The following CTNNA2 variants were observed in gnomAD, a reference collection of about 807,000 sequenced individuals.
CTNNA2 encodes catenin alpha 2.
A neutral mutation model predicts 101.0 loss-of-function variants in CTNNA2; 42 were observed. The ratio of observed to expected loss-of-function variants is 0.42; its 90% CI spans 0.32 to 0.54. The LOEUF (loss-of-function observed/expected upper bound fraction) is 0.54. Ranked by LOEUF, CTNNA2 falls within the 20% of genes least tolerant of loss-of-function variation. The probability of loss-of-function intolerance (pLI) is 0.14; values close to 1 mark genes in which losing one functional copy is unlikely to be tolerated. For synonymous variants in CTNNA2, 450 were observed against 456.4 expected, an observed-to-expected ratio of 0.99 and a Z score of 0.18; for missense variants, 871 against 1,223.1, an observed-to-expected ratio of 0.71 and a Z score of 4.29.
At chr2:79,325,335 G>C (rs1011708081) in intron 3 of CTNNA2, among the ~76,000 whole-genome samples, 1 of 152,186 alleles carries the variant, frequency 6.6e-6, no homozygotes, top group African/African-American at 2.4e-5. Flanking sequence ...CCGCCTGCCT[G>C]AAAGCAAAGA....
intron 7 of CTNNA2, among the ~76,000 whole-genome samples, chr2:80,244,918 A>G (rs1671206277): frequency 1.3e-5 from 2 of 152,166 alleles, no homozygotes; most frequent in Admixed American, 6.5e-5. Flanking sequence ...CAGACCTACA[A>G]GCGAGAGCCA....
At chr2:80,529,810 C>A (rs1465204930) in intron 9 of CTNNA2, among the ~76,000 whole-genome samples, 1 of 152,118 alleles carries the variant, frequency 6.6e-6, no homozygotes, top group Non-Finnish European at 1.5e-5. Flanking sequence ...GTCAGACTGG[C>A]CATTCACCCA....
At chr2:80,408,672 C>T (rs966151218) in intron 8 of CTNNA2, among the ~76,000 whole-genome samples, 16 of 152,182 alleles carry the variant, frequency 1.1e-4, no homozygotes, top group African/African-American at 3.1e-4. Context: ...GATCTTAGAT[C>T]TCCCTTTGGA....
intron 1 of CTNNA2, among the ~76,000 whole-genome samples, chr2:79,560,467 TA>T (rs961675647): frequency 6.6e-6 from 1 of 151,938 alleles, no homozygotes; most frequent in African/African-American, 2.4e-5. Flanking sequence ...TAGACCACTT[TA>T]AAGTGTTATT....
chr2:80,604,949 C>T (rs1225108237), intron 16 of CTNNA2, among the ~76,000 whole-genome samples: 1 of 151,976 alleles, frequency 6.6e-6, no homozygotes, highest in Non-Finnish European at 1.5e-5. Context: ...TAGAACTTCA[C>T]CTTTTCTTAT....
intron 3 of CTNNA2, among the ~76,000 whole-genome samples, chr2:79,801,036 C>T (rs1010134020): frequency 6.6e-6 from 1 of 152,160 alleles, no homozygotes; most frequent in African/African-American, 2.4e-5. Context: ...TGCTTTTTGT[C>T]ACCCAAGCAA....
At chr2:80,456,312 A>G (rs1187527809) in intron 9 of CTNNA2, among the ~76,000 whole-genome samples, 3 of 152,164 alleles carry the variant, frequency 2.0e-5, no homozygotes. Context: ...GCACATTGGT[A>G]TCCCCTGCAC....
chr2:80,440,206 C>G (rs576629069), intron 9 of CTNNA2, among the ~76,000 whole-genome samples: 1 of 152,196 alleles, frequency 6.6e-6, no homozygotes, highest in East Asian at 1.9e-4. Flanking sequence ...TCTCTGCCAC[C>G]TGTTTATTGG....
chr2:80,367,791 CTTCTT>C (rs1675072472), intron 7 of CTNNA2, among the ~76,000 whole-genome samples: 1 of 152,004 alleles, frequency 6.6e-6, no homozygotes, highest in Non-Finnish European at 1.5e-5. Context: ...ATTACATTCT[CTTCTT>C]TCCTTTGGTT....
At chr2:80,235,558 G>T (rs1709503242) in intron 7 of CTNNA2, among the ~76,000 whole-genome samples, 1 of 152,184 alleles carries the variant, frequency 6.6e-6, no homozygotes. Context: ...TCCTTTGGTT[G>T]CAGGAAACAG....
intron 7 of CTNNA2, among the ~76,000 whole-genome samples, chr2:80,336,545 T>C (rs1671778931): frequency 6.6e-6 from 1 of 152,232 alleles, no homozygotes; most frequent in African/African-American, 2.4e-5. Flanking sequence ...TGATATTTGC[T>C]TATCTTTTTA....
intron 6 of CTNNA2, among the ~76,000 whole-genome samples, chr2:79,900,083 C>G (rs1440103092): frequency 2.6e-5 from 4 of 152,184 alleles, no homozygotes; most frequent in Non-Finnish European, 5.9e-5. Flanking sequence ...ATGCTTTTAT[C>G]TCAGAGTCCA....
chr2:80,593,844 C>A (rs575261269), intron 15 of CTNNA2, among the ~76,000 whole-genome samples: 26 of 152,120 alleles, frequency 1.7e-4, no homozygotes, highest in Non-Finnish European at 3.2e-4. Context: ...CCATTGAATG[C>A]ATGTACCACC....
intron 3 of CTNNA2, among the ~76,000 whole-genome samples, chr2:79,786,284 TTTAA>T (rs1219316164): frequency 2.0e-5 from 3 of 146,442 alleles, no homozygotes; most frequent in Admixed American, 6.7e-5. Context: ...GAAAGAATAA[TTTAA>T]TTAAGATATA....
intron 7 of CTNNA2, among the ~76,000 whole-genome samples, chr2:80,062,563 A>G (rs1697671590): frequency 6.6e-6 from 1 of 152,198 alleles, no homozygotes; most frequent in African/African-American, 2.4e-5. Context: ...ACCTTAACTC[A>G]AAGAACTAAC....
chr2:80,433,092 C>T (rs548253174), intron 9 of CTNNA2, among the ~76,000 whole-genome samples: 19 of 152,174 alleles, frequency 1.2e-4, no homozygotes, highest in Non-Finnish European at 2.4e-4. Flanking sequence ...GCTAAAGAGG[C>T]TGTTTTCATC....
chr2:79,559,215 C>T (rs1674622670), intron 1 of CTNNA2, among the ~76,000 whole-genome samples: 1 of 151,904 alleles, frequency 6.6e-6, no homozygotes, highest in East Asian at 1.9e-4. Context: ...GTGGAAAGAG[C>T]TCATACTGGA....
rs751604941 is a variant in CTNNA2, at chr2:79,242,999, C to CACACACACAT, written c.-406+44932_-406+44933insTACACACACA. Among the ~76,000 whole-genome samples the CACACACACAT allele has an allele frequency of 1.2e-3, 127 of 109,954 alleles. 6 individuals are homozygous for CACACACACAT. The highest frequency in any genetic ancestry group is 1.7e-3 in the Non-Finnish European group (85 of 49,992). The allele number at this position is 109,954 out of a possible 152,430, so 72.1% of individuals were successfully genotyped here. A position where few individuals can be genotyped will look rare whatever the true frequency, so the allele number is the denominator to read the frequency against. On this transcript the variant is annotated intron_variant, in intron 2 of 21. Transcript: ENST00000466387. ...ATATATATATATATATATATACACA[C>CACACACACAT]ACACACACACACACACACACACACA...
intron 2 of CTNNA2, among the ~76,000 whole-genome samples, chr2:79,222,566 A>G (rs1674358509): frequency 6.6e-6 from 1 of 152,142 alleles, no homozygotes. Context: ...CCAGGAAAAT[A>G]TTACATAGAT....
Sources: gnomAD v4.1 joint callset for allele counts (sites outside exome capture counted in the v4.1 genomes callset) on GRCh38, gnomAD v4.1.1 for gene constraint, MANE v1.5 for transcripts, NCBI Gene and HGNC (gene_info 2026-07-23, HGNC 2026-07-21) for gene names.